MIB1: variants seen among roughly 807,000 people sequenced by gnomAD.
MIB1 encodes E3 ubiquitin-protein ligase MIB1.
A neutral mutation model predicts 124.5 loss-of-function variants in MIB1; 278 were observed. That is an observed-to-expected ratio of 2.23 (90% confidence interval 2.02 to 2.47). The LOEUF is 2.47. MIB1 is among the 30% of genes most tolerant of loss of function. The pLI is 0.00. For synonymous variants in MIB1, 446 were observed against 429.4 expected, an observed-to-expected ratio of 1.04 and a Z score of -0.48; for missense variants, 957 against 1,254.4, an observed-to-expected ratio of 0.76 and a Z score of 3.58.
chr18:21,819,490 TAAAG>T lies in MIB1; in HGVS notation c.1678-4_1678-1del. ...GAACTAATGAAAATTTCTTTAAACT[TAAAG>T]GATTCTGAAGGTGATACCCCTCTTC... On this transcript the variant is annotated splice_acceptor_variant and splice_polypyrimidine_tract_variant and intron_variant, in intron 11 of 20. Transcript: ENST00000261537. LOFTEE classifies it high-confidence loss of function. 1 of 1,581,348 alleles carries T rather than the reference TAAAG, an allele frequency of 6.3e-7. No homozygotes were observed. Among genetic ancestry groups the T allele is most frequent in the Non-Finnish European group, 8.6e-7 (1 of 1,158,998 alleles).
At chr18:21,850,061 T>C (rs1023343927) in intron 17 of MIB1, among the ~76,000 whole-genome samples, 5 of 152,128 alleles carry the variant, frequency 3.3e-5, no homozygotes, top group Non-Finnish European at 5.9e-5. Flanking sequence ...CTGTAATTAG[T>C]GATGGCCAAA....
Position 21,840,273 on chromosome 18 carries a change from C to G in MIB1, c.1962+1776C>G, listed in dbSNP as rs151030686. Among the ~76,000 whole-genome samples, 73 of 151,744 alleles carry G rather than the reference C, an allele frequency of 4.8e-4. 1 individual carries two copies. Among genetic ancestry groups the G allele is most frequent in the African/African-American group, 1.7e-3 (69 of 41,396 alleles). ...AAGTAGAACCACACATATGTATAAA[C>G]AGCAACTCAAATTAAGAAAAAAAAG... is the stretch of plus-strand genomic sequence containing the variant. On this transcript the variant is annotated intron_variant, in intron 13 of 20. Coordinates refer to ENST00000261537, the MANE Select transcript of MIB1 (RefSeq NM_020774.4).
At position 21,857,216 on chromosome 18, in the gene MIB1, A is replaced by G; in HGVS notation, c.2752A>G (p.Ser918Gly). The G allele has an allele frequency of 6.2e-7, 1 of 1,613,868 alleles. No homozygotes were observed. The highest frequency in any genetic ancestry group is 8.5e-7 in the Non-Finnish European group (1 of 1,179,742). Residue 918 changes from serine to glycine, a missense_variant, in exon 19 of 21, where the codon AGT becomes GGT. By Grantham distance (56) the Ser-to-Gly change is moderately conservative. Coordinates refer to ENST00000261537, the MANE Select transcript of MIB1 (RefSeq NM_020774.4). ...TTTCATTATGTGCTGTGGAGGGAAA[A>G]GTTCAGAAGATGCCACTGATGATAT... ...VPFIMCCGGK[S>G]SEDATDDISS...
rs1555695315 is a variant in MIB1, at chr18:21,835,801, C to CACA, written c.1830-2564_1830-2563insACA. On this transcript the variant is annotated intron_variant, in intron 12 of 20. Coordinates refer to ENST00000261537, the MANE Select transcript of MIB1 (RefSeq NM_020774.4). ...AAAAAAAAAATATATATATATATAT[C>CACA]CACACACACACACACACACACACAC... is the stretch of plus-strand genomic sequence containing the variant. Among the ~76,000 whole-genome samples the CACA allele has an allele frequency of 7.9e-5, 8 of 101,584 alleles. 1 individual carries two copies. Among genetic ancestry groups the CACA allele is most frequent in the African/African-American group, 2.3e-4 (6 of 25,918 alleles). The allele number at this position is 101,584 out of a possible 152,430, so 66.6% of individuals were successfully genotyped here.
intron 6 of MIB1, among the ~76,000 whole-genome samples, chr18:21,787,683 C>G (rs2041452222): frequency 6.6e-6 from 1 of 151,144 alleles, no homozygotes; most frequent in South Asian, 2.1e-4. Flanking sequence ...TTTTTCATGT[C>G]TCTGGCCCCA....
intron 3 of MIB1, among the ~76,000 whole-genome samples, chr18:21,770,500 A>G (rs1403600497): frequency 6.6e-6 from 1 of 152,030 alleles, no homozygotes; most frequent in Admixed American, 6.6e-5. Flanking sequence ...TCTAATATAT[A>G]TTAGAGATGG....
chr18:21,803,766 G>T, intron 9 of MIB1, 141 bp from the exon 10 acceptor site: 2 of 553,534 alleles, frequency 3.6e-6, no homozygotes, highest in Non-Finnish European at 6.3e-6. Context: ...GTAGTTATCT[G>T]AACTATGATA....
intron 1 of MIB1, among the ~76,000 whole-genome samples, chr18:21,710,373 C>T (rs148256276): frequency 1.3e-5 from 2 of 152,236 alleles, no homozygotes; most frequent in Non-Finnish European, 2.9e-5. Context: ...GGATTACAGG[C>T]GTGAGCCACT....
chr18:21,749,431 C>G (rs1399934143), intron 1 of MIB1, among the ~76,000 whole-genome samples: 1 of 152,064 alleles, frequency 6.6e-6, no homozygotes, highest in Non-Finnish European at 1.5e-5. Context: ...TTTTAAACAA[C>G]ACTGCAACAA....
intron 1 of MIB1, among the ~76,000 whole-genome samples, chr18:21,748,967 C>T (rs1476648934): frequency 6.6e-6 from 1 of 151,932 alleles, no homozygotes; most frequent in Non-Finnish European, 1.5e-5. Context: ...GTCTCAAACT[C>T]TTGGCCTCAA....
rs2040856610 is a variant in MIB1 at position 21,741,830 on chromosome 18, G to A, written c.229+18G>A. On this transcript the variant is annotated intron_variant, in intron 1 of 20. Transcript: ENST00000261537. The surrounding 1 kb of genome is among the most constrained non-coding windows in gnomAD (Gnocchi z 5.4). ...GCCCACCGGTAAGCCGCGGCCACCT[G>A]GCCAGGGCTTGCGCGCGCGGGGGGA... 1.3e-6 allele frequency: 2 copies of A among 1,568,180 alleles called. No individual in the cohort carries two copies. Among genetic ancestry groups the A allele is most frequent in the Non-Finnish European group, 1.7e-6 (2 of 1,157,002 alleles).
At chr18:21,857,011 C>A in intron 18 of MIB1, 119 bp from the exon 19 acceptor site, 1 of 699,658 alleles carries the variant, frequency 1.4e-6, no homozygotes, top group Non-Finnish European at 2.6e-6. Flanking sequence ...TTGCATATTG[C>A]TATAACTTGT....
intron 1 of MIB1, among the ~76,000 whole-genome samples, chr18:21,763,448 T>C (rs553850618): frequency 6.6e-6 from 1 of 152,292 alleles, no homozygotes; most frequent in East Asian, 1.9e-4. Context: ...GATTTCTTCC[T>C]TTCTTAGAAA....
intron 1 of MIB1, among the ~76,000 whole-genome samples, chr18:21,725,361 G>C (rs2040736939): frequency 6.6e-6 from 1 of 152,160 alleles, no homozygotes; most frequent in African/African-American, 2.4e-5. Flanking sequence ...ACCGCCTGTG[G>C]AGTCCTAGTG....
chr18:21,835,960 G>A (rs993587234), intron 12 of MIB1, among the ~76,000 whole-genome samples: 3 of 151,356 alleles, frequency 2.0e-5, no homozygotes, highest in African/African-American at 4.9e-5. Context: ...TTTCAAAAAC[G>A]TTTTTAGATT....
intron 6 of MIB1, among the ~76,000 whole-genome samples, chr18:21,785,564 T>A (rs2041425651): frequency 6.6e-6 from 1 of 152,258 alleles, no homozygotes; most frequent in African/African-American, 2.4e-5. Flanking sequence ...TCTTTTGATA[T>A]TGCCTATCTC....
At chr18:21,782,046 G>T (rs1368834802) in intron 6 of MIB1, among the ~76,000 whole-genome samples, 4 of 151,756 alleles carry the variant, frequency 2.6e-5, no homozygotes, top group Non-Finnish European at 4.4e-5. Flanking sequence ...TCTACTATTG[G>T]ATTTGCTTTG....
At chr18:21,826,269 T>C (rs9948906) in intron 12 of MIB1, 146,553 of 157,034 alleles carry the variant, frequency 0.93, 68,789 homozygotes, top group South Asian at 0.98. Flanking sequence ...AGCATTATAG[T>C]TGAGGGCTAA....
intron 6 of MIB1, among the ~76,000 whole-genome samples, chr18:21,785,396 C>T (rs1221095101): frequency 6.6e-6 from 1 of 152,186 alleles, no homozygotes; most frequent in African/African-American, 2.4e-5. Context: ...AAAAAACCCA[C>T]AGGCCCAGTA....
Sources: gnomAD v4.1 joint callset for allele counts (sites outside exome capture counted in the v4.1 genomes callset) on GRCh38, gnomAD v4.1.1 for gene constraint, Gnocchi (gnomAD v3.1) non-coding constraint, MANE v1.5 for transcripts, NCBI Gene and HGNC (gene_info 2026-07-23, HGNC 2026-07-21) for gene names.